The following DSCAML1 variants were observed in gnomAD, a reference collection of about 807,000 sequenced individuals.
DSCAML1 encodes DS cell adhesion molecule like 1.
DSCAML1 carries 38 observed loss-of-function variants against 200.5 expected under a neutral mutation model. The ratio of observed to expected loss-of-function variants is 0.19; its 90% confidence interval spans 0.15 to 0.25. The LOEUF (loss-of-function observed/expected upper bound fraction) is 0.25, where lower values mean the gene tolerates loss of function less well. Among genes scored for constraint, DSCAML1 ranks in the 10% least tolerant of loss-of-function variants. The pLI is 1.00. For synonymous variants in DSCAML1, 1,215 were observed against 1,165.0 expected (o/e 1.04, Z -0.87); for missense variants, 2,223 against 2,858.8 (o/e 0.78, Z 5.07).
chr11:117,723,256 T>C (rs2054069902), intron 3 of DSCAML1, among the ~76,000 whole-genome samples: 1 of 152,234 alleles, frequency 6.6e-6, no homozygotes. Context: ...CCTCTATATC[T>C]GCACCAAAGT....
chr11:117,501,724 G>A, intron 11 of DSCAML1, among the ~76,000 whole-genome samples: 1 of 152,162 alleles, frequency 6.6e-6, no homozygotes. Context: ...GCCATGAGTG[G>A]GTGTTGAGAG....
intron 1 of DSCAML1, among the ~76,000 whole-genome samples, chr11:117,814,912 G>A (rs998057879): frequency 6.6e-6 from 1 of 152,218 alleles, no homozygotes; most frequent in African/African-American, 2.4e-5. Flanking sequence ...ACCTGAAGTA[G>A]TATTTACTGG....
chr11:117,434,918 T>C (rs530334757), intron 27 of DSCAML1, among the ~76,000 whole-genome samples: 271 of 152,382 alleles, frequency 1.8e-3, no homozygotes, highest in Non-Finnish European at 2.9e-3. Context: ...TTCCCTCTTC[T>C]GTGCTACTAT....
intron 3 of DSCAML1, among the ~76,000 whole-genome samples, chr11:117,538,321 C>T (rs886897370): frequency 1.3e-5 from 2 of 152,224 alleles, no homozygotes; most frequent in African/African-American, 4.8e-5. Flanking sequence ...ACTGATGTCA[C>T]AGGGCTGTTG....
intron 8 of DSCAML1, among the ~76,000 whole-genome samples, chr11:117,513,927 A>G (rs2049701677): frequency 6.6e-6 from 1 of 152,080 alleles, no homozygotes; most frequent in African/African-American, 2.4e-5. Flanking sequence ...CTGGGGGAGA[A>G]GTCTCCACCC....
rs141228787 is a variant in DSCAML1 at position 117,437,678 on chromosome 11, C to T, written c.4432+217G>A. Among the ~76,000 whole-genome samples, 20 of 152,264 alleles carry T rather than the reference C, an allele frequency of 1.3e-4. No homozygotes were observed. The East Asian group carries it at 3.5e-3, about 27-fold the overall frequency. On this transcript the variant is annotated intron_variant, in intron 25 of 32. Coordinates refer to ENST00000651296, the MANE Select transcript of DSCAML1 (RefSeq NM_020693.4). The surrounding 1 kb of genome is among the most constrained non-coding windows in gnomAD (Gnocchi z 5.3). The stretch of plus-strand genomic sequence containing the variant: ...GGAAGAGGCAAAGGAATGCCACCTT[C>T]GGCCACCCGGTGGGGAAGTGGAACT...
intron 3 of DSCAML1, among the ~76,000 whole-genome samples, chr11:117,589,167 T>C (rs1345254063): frequency 6.7e-6 from 1 of 149,876 alleles, no homozygotes; most frequent in African/African-American, 2.5e-5. Flanking sequence ...AGAGGGGGCC[T>C]GTAAATAGAG....
intron 20 of DSCAML1, 61 bp downstream of exon 20, chr11:117,450,488 T>G: frequency 6.4e-7 from 1 of 1,572,226 alleles, no homozygotes; most frequent in Admixed American, 1.8e-5. Flanking sequence ...AGCCGGCTGA[T>G]GTACAAGGTC....
At chr11:117,546,964 A>T (rs2050384079) in intron 3 of DSCAML1, among the ~76,000 whole-genome samples, 1 of 152,158 alleles carries the variant, frequency 6.6e-6, no homozygotes, top group Non-Finnish European at 1.5e-5. Flanking sequence ...TTTCCCTGAC[A>T]TTCATTAGAC....
chr11:117,797,402 A>C, upstream of DSCAML1: 1 of 662,126 alleles, frequency 1.5e-6, no homozygotes, highest in Non-Finnish European at 2.2e-6. Flanking sequence ...GACCGCCCCG[A>C]CCCGGCTCCG....
intron 3 of DSCAML1, among the ~76,000 whole-genome samples, chr11:117,738,547 C>T (rs191045313): frequency 6.9e-4 from 105 of 152,266 alleles, no homozygotes; most frequent in African/African-American, 2.3e-3. Flanking sequence ...GCTTGTGTGT[C>T]CATATGAAAT....
At chr11:117,440,688 G>A (rs1029545857) in intron 21 of DSCAML1, among the ~76,000 whole-genome samples, 5 of 152,110 alleles carry the variant, frequency 3.3e-5, no homozygotes, top group Non-Finnish European at 2.9e-5. Flanking sequence ...GTGGCAGGCG[G>A]ATCACCTGAG....
In DSCAML1 at chr11:117,717,198, G is replaced by A. The variant is rs930479646; in HGVS notation, c.511+59593C>T. Among the ~76,000 whole-genome samples, 3 of 152,170 alleles carry A rather than the reference G, an allele frequency of 2.0e-5. 1 individual carries two copies. Among genetic ancestry groups the A allele is most frequent in the Admixed American group, 2.0e-4 (3 of 15,278 alleles). On this transcript the variant is annotated intron_variant, in intron 3 of 32. Coordinates refer to ENST00000651296, the MANE Select transcript of DSCAML1 (RefSeq NM_020693.4). ...CGATCAGGCTGCCTCCGGTCACTTGGTAGGGCCCGAGAGCGGCCAAGGACA... is the reference window on the plus strand; with the variant it reads ...CGATCAGGCTGCCTCCGGTCACTTGATAGGGCCCGAGAGCGGCCAAGGACA...
In DSCAML1 at chr11:117,428,538, G is replaced by A. The variant is rs373112304; in HGVS notation, c.5952C>T (p.Ala1984=). ...CAGGGGTGGGGCCGGGGGCTGGGGG[G>A]GCTGTGCCGGCTGGGGGGGCTGGCA... ...LAMPAPPAGT[A]PPAPGPTPAE... The change falls in exon 33 of 33, where the codon GCC becomes GCT. Residue 1984 remains alanine (A), a synonymous_variant. Coordinates refer to ENST00000651296, the MANE Select transcript of DSCAML1 (RefSeq NM_020693.4). 5.5e-5 allele frequency: 84 copies of A among 1,516,632 alleles called. No homozygotes were observed. In the Admixed American group the frequency reaches 6.7e-4, roughly 12 times the overall value. The allele number at this position is 1,516,632 out of a possible 1,614,324, so 93.9% of individuals were successfully genotyped here. A position where few individuals can be genotyped will look rare whatever the true frequency, so the allele number is the denominator to read the frequency against.
chr11:117,626,128 A>G (rs1342692564), intron 3 of DSCAML1, among the ~76,000 whole-genome samples: 1 of 151,956 alleles, frequency 6.6e-6, no homozygotes, highest in Non-Finnish European at 1.5e-5. Context: ...GAATACCCTC[A>G]TACCAGAGCT....
chr11:117,772,533 G>C (rs960560646), intron 3 of DSCAML1, among the ~76,000 whole-genome samples: 3 of 152,188 alleles, frequency 2.0e-5, no homozygotes, highest in Admixed American at 6.5e-5. Flanking sequence ...CATCTGAGCA[G>C]TGTCCCAAAC....
chr11:117,795,418 G>C (rs960174780), intron 1 of DSCAML1, among the ~76,000 whole-genome samples: 2 of 152,170 alleles, frequency 1.3e-5, no homozygotes, highest in African/African-American at 2.4e-5. Flanking sequence ...GGGGCGGAGG[G>C]AGGCAGGAAG....
chr11:117,764,218 TCC>T (rs1389963765), intron 3 of DSCAML1, among the ~76,000 whole-genome samples: 22 of 152,282 alleles, frequency 1.4e-4, no homozygotes, highest in African/African-American at 5.1e-4. Flanking sequence ...CTTTCTTAGG[TCC>T]CTGCTCTGGG....
intron 3 of DSCAML1, among the ~76,000 whole-genome samples, chr11:117,724,357 C>A (rs913613695): frequency 6.6e-6 from 1 of 151,910 alleles, no homozygotes; most frequent in African/African-American, 2.4e-5. Context: ...TGGACTGGAG[C>A]GGGAAAGAAG....
Sources: gnomAD v4.1 joint callset for allele counts (sites outside exome capture counted in the v4.1 genomes callset) on GRCh38, gnomAD v4.1.1 for gene constraint, Gnocchi (gnomAD v3.1) non-coding constraint, MANE v1.5 for transcripts, NCBI Gene and HGNC (gene_info 2026-07-23, HGNC 2026-07-21) for gene names.